RREB1: variants seen among roughly 807,000 people sequenced by gnomAD.
The protein encoded by RREB1 is ras-responsive element-binding protein 1.
A neutral mutation model predicts 117.8 loss-of-function variants in RREB1; 27 were observed. The observed-to-expected ratio is 0.23, with a 90% confidence interval of 0.17 to 0.32. The LOEUF (loss-of-function observed/expected upper bound fraction) is 0.32, where lower values mean the gene tolerates loss of function less well. RREB1 is among the 10% of genes least tolerant of loss of function. The pLI, the probability that RREB1 is intolerant of heterozygous loss-of-function variation, is 1.00. For missense variants in RREB1, 2,577 were observed against 2,378.2 expected (o/e 1.08, Z -1.74); for synonymous variants, 1,298 against 1,026.7 (o/e 1.26, Z -5.05).
At chr6:7,207,658 A>T (rs1319608333) in intron 6 of RREB1, among the ~76,000 whole-genome samples, 1 of 152,174 alleles carries the variant, frequency 6.6e-6, no homozygotes, top group Non-Finnish European at 1.5e-5. Flanking sequence ...TGGATCCAGC[A>T]TTTCATGAAG....
chr6:7,123,280 C>T (rs934442887), intron 1 of RREB1, among the ~76,000 whole-genome samples: 14 of 152,230 alleles, frequency 9.2e-5, no homozygotes, highest in Admixed American at 9.1e-4. Flanking sequence ...GTCTCAGCCT[C>T]CTGAGGAGCT....
chr6:7,121,211 T>G (rs1014363840), intron 1 of RREB1, among the ~76,000 whole-genome samples: 1 of 152,164 alleles, frequency 6.6e-6, no homozygotes, highest in African/African-American at 2.4e-5. Flanking sequence ...CTACCCACTT[T>G]GGCCTTCCAA....
At chr6:7,169,334 C>T (rs1764104732) in intron 1 of RREB1, among the ~76,000 whole-genome samples, 1 of 152,232 alleles carries the variant, frequency 6.6e-6, no homozygotes, top group South Asian at 2.1e-4. Context: ...GCCCTCTGCC[C>T]CTGTGGTCCA....
Position 7,187,414 on chromosome 6 carries a change from C to CT in RREB1, c.172-16dup, listed in dbSNP as rs761283016. 4.5e-4 allele frequency: 683 copies of CT among 1,501,832 alleles called. No homozygotes were observed. The highest frequency in any genetic ancestry group is 5.8e-4 in the Non-Finnish European group (625 of 1,084,454). The allele number at this position is 1,501,832 out of a possible 1,614,324, so 93.0% of individuals were successfully genotyped here. ...GACTGTGAGTTGAAATTTATCTTCC[C>CT]TTTTAATCTTTCTTTTTAGGAAACG... is the stretch of plus-strand genomic sequence containing the variant. On this transcript the variant is annotated intron_variant, in intron 4 of 12. Transcript: ENST00000379938.
chr6:7,156,034 T>C (rs1763346810), intron 1 of RREB1, among the ~76,000 whole-genome samples: 1 of 152,252 alleles, frequency 6.6e-6, no homozygotes, highest in African/African-American at 2.4e-5. Flanking sequence ...AAGCTTTGTA[T>C]AACTCACAAA....
chr6:7,184,946 C>T (rs1417949689), intron 4 of RREB1: 4 of 152,098 alleles, frequency 2.6e-5, no homozygotes, highest in African/African-American at 9.7e-5. Context: ...TGGAACTCAT[C>T]CCCAACTTTT....
intron 8 of RREB1, among the ~76,000 whole-genome samples, chr6:7,220,036 C>T (rs1455799257): frequency 6.6e-6 from 1 of 152,190 alleles, no homozygotes; most frequent in Non-Finnish European, 1.5e-5. Context: ...CCCCCTCCTA[C>T]CATCTACCCT....
At chr6:7,177,496 G>A (rs1764564278) in intron 2 of RREB1, among the ~76,000 whole-genome samples, 1 of 151,878 alleles carries the variant, frequency 6.6e-6, no homozygotes, top group South Asian at 2.1e-4. Flanking sequence ...GTTTCCCAGT[G>A]CTGATTCCAG....
chr6:7,231,297 C>T lies in RREB1; in HGVS notation c.3198C>T (p.Ala1066=). 6.2e-7 allele frequency: 1 copy of T among 1,607,364 alleles called. No homozygotes were observed. The highest frequency in any genetic ancestry group is 1.7e-4 in the Middle Eastern group (1 of 6,018). ...TGACAGAAGAGCTGCCCCCGCTGGCCTCCATTGCCCAGATCATCTCATCTG... is the reference window on the plus strand; with the variant it reads ...TGACAGAAGAGCTGCCCCCGCTGGCTTCCATTGCCCAGATCATCTCATCTG... ...PPVTEELPPL[A]SIAQIISSVS... Residue 1066 remains alanine (A), a synonymous_variant, in exon 10 of 13, where the codon GCC becomes GCT. Transcript: ENST00000379938.
At chr6:7,204,064 CTG>C (rs952540790) in intron 6 of RREB1, among the ~76,000 whole-genome samples, 2 of 152,244 alleles carry the variant, frequency 1.3e-5, no homozygotes, top group African/African-American at 4.8e-5. Context: ...AGCCTACAGA[CTG>C]TGGGTTTACA....
At chr6:7,126,998 T>C (rs1761966755) in intron 1 of RREB1, among the ~76,000 whole-genome samples, 1 of 152,116 alleles carries the variant, frequency 6.6e-6, no homozygotes, top group African/African-American at 2.4e-5. Flanking sequence ...GAGGATGATG[T>C]GGGGAAGGAA....
intron 12 of RREB1, among the ~76,000 whole-genome samples, chr6:7,247,495 TC>T (rs1250128420): frequency 2.6e-5 from 4 of 152,130 alleles, no homozygotes; most frequent in African/African-American, 9.7e-5. Context: ...TGCCTCCGCC[TC>T]CCCATCTGTA....
At chr6:7,161,927 G>A (rs1212586910) in intron 1 of RREB1, among the ~76,000 whole-genome samples, 1 of 152,194 alleles carries the variant, frequency 6.6e-6, no homozygotes, top group Non-Finnish European at 1.5e-5. Flanking sequence ...TTAAGCTGTG[G>A]ATACGATTAT....
At chr6:7,118,795 T>C (rs1396333466) in intron 1 of RREB1, among the ~76,000 whole-genome samples, 1 of 136,966 alleles carries the variant, frequency 7.3e-6, no homozygotes, top group Admixed American at 8.8e-5. Flanking sequence ...CATGGTGTTT[T>C]TTTTAATTTT....
intron 8 of RREB1, chr6:7,217,366 T>C (rs1187652306): frequency 6.6e-6 from 1 of 152,222 alleles, no homozygotes; most frequent in Non-Finnish European, 1.5e-5. Context: ...ATGGTCAAGC[T>C]GAGTGGCAGC....
In RREB1 at chr6:7,222,541, T is replaced by C. The variant is rs148200430; in HGVS notation, c.708-3926T>C. 9.2e-5 allele frequency among the ~76,000 whole-genome samples: 14 copies of C among 152,298 alleles called. No homozygotes were observed. In the East Asian group the frequency reaches 2.7e-3, roughly 29 times the overall value. ...ATCAATACTGAATAATTCTGCCACG[T>C]CTTTATTGTCATGCCTTCATCACCT... On this transcript the variant is annotated intron_variant, in intron 8 of 12. Coordinates refer to ENST00000379938, the MANE Select transcript of RREB1 (RefSeq NM_001003699.4).
At chr6:7,156,854 G>A (rs971461576) in intron 1 of RREB1, among the ~76,000 whole-genome samples, 22 of 152,194 alleles carry the variant, frequency 1.4e-4, no homozygotes, top group Admixed American at 1.3e-3. Flanking sequence ...TAGGAGGAGA[G>A]GGTTCCAGAG....
intron 6 of RREB1, among the ~76,000 whole-genome samples, chr6:7,199,685 A>G (rs1235426648): frequency 1.3e-5 from 2 of 151,132 alleles, no homozygotes; most frequent in African/African-American, 4.9e-5. Flanking sequence ...TTGTTTTGAG[A>G]CGGGGTCTCA....
intron 4 of RREB1, 36 bp downstream of exon 4, chr6:7,182,118 T>C (rs747189281): frequency 6.4e-7 from 1 of 1,570,040 alleles, no homozygotes; most frequent in Non-Finnish European, 8.7e-7. Flanking sequence ...CTCTGGTGGG[T>C]TCAATCCATG....
Sources: gnomAD v4.1 joint callset for allele counts (sites outside exome capture counted in the v4.1 genomes callset) on GRCh38, gnomAD v4.1.1 for gene constraint, MANE v1.5 for transcripts, NCBI Gene and HGNC (gene_info 2026-07-23, HGNC 2026-07-21) for gene names.